RP1: variants seen among roughly 807,000 people sequenced by gnomAD.
RP1 encodes the protein RP1 axonemal microtubule associated.
RP1 carries 16 observed loss-of-function variants against 14.8 expected under a neutral mutation model. The ratio of observed to expected loss-of-function variants is 1.08; its 90% confidence interval spans 0.73 to 1.65. The LOEUF (loss-of-function observed/expected upper bound fraction) is 1.65, where lower values mean the gene tolerates loss of function less well. Ranked by LOEUF, RP1 falls within the 40% of genes most tolerant of loss-of-function variation. RP1 has a pLI of 0.00. For missense variants in RP1, 2,631 were observed against 2,535.0 expected (o/e 1.04, Z -0.81); for synonymous variants, 876 against 883.6 (o/e 0.99, Z 0.15).
chr8:54,735,155 T>C (rs1008064906), intron 18 of RP1, among the ~76,000 whole-genome samples: 9 of 152,206 alleles, frequency 5.9e-5, no homozygotes, highest in Non-Finnish European at 4.4e-5. Flanking sequence ...ATTTTCTTTT[T>C]ATAAAATTAT....
intron 19 of RP1, among the ~76,000 whole-genome samples, chr8:54,742,902 A>C (rs1002860644): frequency 6.6e-6 from 1 of 152,186 alleles, no homozygotes; most frequent in Non-Finnish European, 1.5e-5. Flanking sequence ...AGGAAAAAAC[A>C]TCCCCAGCAG....
intron 22 of RP1, among the ~76,000 whole-genome samples, chr8:54,765,331 AGT>A (rs1809735758): frequency 6.6e-6 from 1 of 152,256 alleles, no homozygotes; most frequent in African/African-American, 2.4e-5. Flanking sequence ...GTACTCAGAA[AGT>A]GTGTGCTAAA....
intron 24 of RP1, among the ~76,000 whole-genome samples, chr8:54,821,881 A>T (rs1811263817): frequency 6.6e-6 from 1 of 152,200 alleles, no homozygotes; most frequent in Non-Finnish European, 1.5e-5. Flanking sequence ...AGCAGGAAAA[A>T]AAATGGATTG....
At chr8:54,701,343 T>A in intron 13 of RP1, 1 of 664,964 alleles carries the variant, frequency 1.5e-6, no homozygotes, top group South Asian at 4.5e-5. Flanking sequence ...TAAAACCTAC[T>A]GAATTTCAAA....
intron 24 of RP1, among the ~76,000 whole-genome samples, chr8:54,784,151 C>CAGCAA (rs1810262134): frequency 1.3e-5 from 2 of 152,076 alleles, no homozygotes; most frequent in Non-Finnish European, 2.9e-5. Flanking sequence ...GCGAAACGGT[C>CAGCAA]AAATGGTCAA....
intron 1 of RP1, among the ~76,000 whole-genome samples, chr8:54,587,121 T>G (rs28464757): frequency 0.13 from 20,105 of 152,216 alleles, 1,803 homozygotes; most frequent in South Asian, 0.33. Context: ...CTGTTCCTAT[T>G]CGGCCATCTT....
chr8:54,777,194 C>T (rs943792741), intron 23 of RP1, among the ~76,000 whole-genome samples: 9 of 152,158 alleles, frequency 5.9e-5, no homozygotes, highest in Non-Finnish European at 1.2e-4. Flanking sequence ...ATCCAATAAA[C>T]ACTAGCTTTT....
intron 1 of RP1, among the ~76,000 whole-genome samples, chr8:54,585,631 C>T (rs752224624): frequency 6.6e-6 from 1 of 152,224 alleles, no homozygotes; most frequent in Non-Finnish European, 1.5e-5. Flanking sequence ...CTTTCGGGTA[C>T]ACCAATAAGA....
At chr8:54,853,538 C>T (rs1480457038) in intron 26 of RP1, among the ~76,000 whole-genome samples, 1 of 152,180 alleles carries the variant, frequency 6.6e-6, no homozygotes, top group Non-Finnish European at 1.5e-5. Flanking sequence ...TAAACTCCAT[C>T]TCTGCCATTG....
At chr8:54,798,022 AT>A (rs1185923850) in intron 24 of RP1, among the ~76,000 whole-genome samples, 1 of 151,476 alleles carries the variant, frequency 6.6e-6, no homozygotes, top group Admixed American at 6.6e-5. Context: ...CCTTTTATTT[AT>A]TTTTATTTGA....
intron 15 of RP1, among the ~76,000 whole-genome samples, chr8:54,716,302 C>A (rs1808401933): frequency 6.6e-6 from 1 of 152,058 alleles, no homozygotes; most frequent in Non-Finnish European, 1.5e-5. Flanking sequence ...ATCTTGGTTT[C>A]TATCTAGTTG....
intron 19 of RP1, among the ~76,000 whole-genome samples, chr8:54,745,146 A>G (rs1433208063): frequency 1.3e-5 from 2 of 152,200 alleles, no homozygotes; most frequent in Admixed American, 6.5e-5. Flanking sequence ...AAAGAACACA[A>G]TCTACCATTA....
At chr8:54,861,149 T>C (rs925908589) in intron 27 of RP1, among the ~76,000 whole-genome samples, 19 of 152,206 alleles carry the variant, frequency 1.2e-4, no homozygotes, top group Non-Finnish European at 2.5e-4. Context: ...TCTTTTCCCA[T>C]ATTTTCTTTT....
chr8:54,584,917 T>A (rs1032514863), intron 1 of RP1, among the ~76,000 whole-genome samples: 3 of 152,220 alleles, frequency 2.0e-5, no homozygotes, highest in African/African-American at 7.2e-5. Context: ...ATGGGTTTCC[T>A]GAATACAGCA....
At chr8:54,732,863 A>G (rs1376132744) in intron 17 of RP1, among the ~76,000 whole-genome samples, 3 of 152,176 alleles carry the variant, frequency 2.0e-5, no homozygotes, top group African/African-American at 7.2e-5. Flanking sequence ...TGTAAATGGC[A>G]TGGGATTCAC....
chr8:54,670,393 A>G (rs1807127220), intron 7 of RP1, among the ~76,000 whole-genome samples: 1 of 150,274 alleles, frequency 6.7e-6, no homozygotes, highest in South Asian at 2.1e-4. Flanking sequence ...TCTCCCTTCA[A>G]TTTTGTAAAT....
chr8:54,791,800 A>G (rs1040305247), intron 24 of RP1, among the ~76,000 whole-genome samples: 10 of 152,136 alleles, frequency 6.6e-5, no homozygotes, highest in Non-Finnish European at 1.2e-4. Context: ...CAAGGAAGAA[A>G]GGAGTAAAGG....
intron 7 of RP1, among the ~76,000 whole-genome samples, chr8:54,666,666 T>G (rs1807024510): frequency 6.6e-6 from 1 of 152,068 alleles, no homozygotes; most frequent in Admixed American, 6.6e-5. Flanking sequence ...TGTACTCTAG[T>G]TAAAGCCCTG....
At chr8:54,651,331 G>A (rs1305106103) in intron 4 of RP1, among the ~76,000 whole-genome samples, 1 of 152,024 alleles carries the variant, frequency 6.6e-6, no homozygotes, top group Non-Finnish European at 1.5e-5. Context: ...CTCTTTTTTG[G>A]AAGTGTTTGG....
Sources: allele counts gnomAD v4.1 joint callset (sites outside exome capture counted in the v4.1 genomes callset), GRCh38; gene constraint gnomAD v4.1.1; transcripts MANE v1.5; gene names NCBI Gene and HGNC (gene_info 2026-07-23, HGNC 2026-07-21).